Variants in TMEM131 observed in about 807,000 individuals in gnomAD.
TMEM131 encodes the protein transmembrane protein 131.
Under a neutral mutation model 211.6 loss-of-function variants are expected in TMEM131, and 66 were observed. The observed-to-expected ratio is 0.31, with a 90% CI of 0.26 to 0.38. The LOEUF is 0.38. TMEM131 is among the 10% of genes least tolerant of loss of function. TMEM131 has a pLI of 1.00. For synonymous variants in TMEM131, 844 were observed against 841.3 expected, an observed-to-expected ratio of 1.00 and a Z score of -0.06; for missense variants, 2,036 against 2,299.3, an observed-to-expected ratio of 0.89 and a Z score of 2.34.
intron 4 of TMEM131, among the ~76,000 whole-genome samples, chr2:97,870,999 G>C (rs1456836123): frequency 2.0e-5 from 3 of 152,160 alleles, no homozygotes; most frequent in Admixed American, 1.3e-4. Flanking sequence ...AGAGAAAAAT[G>C]CCTTTCATAA....
chr2:97,879,454 T>A (rs923560253), intron 4 of TMEM131, among the ~76,000 whole-genome samples: 1 of 152,216 alleles, frequency 6.6e-6, no homozygotes, highest in Non-Finnish European at 1.5e-5. Flanking sequence ...AACTACAGCC[T>A]TGACCAAAAC....
intron 25 of TMEM131, among the ~76,000 whole-genome samples, chr2:97,799,842 T>C (rs1421785744): frequency 6.6e-6 from 1 of 152,182 alleles, no homozygotes; most frequent in East Asian, 1.9e-4. Flanking sequence ...TAGATTTTCA[T>C]TACATACTTC....
chr2:97,929,886 A>G (rs1428775667), intron 1 of TMEM131, among the ~76,000 whole-genome samples: 1 of 151,806 alleles, frequency 6.6e-6, no homozygotes, highest in African/African-American at 2.4e-5. Flanking sequence ...GAATTTCAAT[A>G]TCAAGATCAG....
chr2:97,956,999 A>G (rs1019885734), intron 1 of TMEM131, among the ~76,000 whole-genome samples: 7 of 151,892 alleles, frequency 4.6e-5, no homozygotes, highest in Non-Finnish European at 1.0e-4. Flanking sequence ...CAGGAGGCAG[A>G]GGCAGGAGAA....
chr2:97,885,984 T>A (rs543887536), intron 4 of TMEM131, among the ~76,000 whole-genome samples: 1 of 152,282 alleles, frequency 6.6e-6, no homozygotes, highest in Non-Finnish European at 1.5e-5. Flanking sequence ...TTTGTCTGCC[T>A]GTGTCATTTC....
chr2:97,857,918 TA>T (rs1440180945), intron 5 of TMEM131, among the ~76,000 whole-genome samples: 1 of 152,172 alleles, frequency 6.6e-6, no homozygotes, highest in East Asian at 1.9e-4. Context: ...TAACAAAGAA[TA>T]ACTCAAGGGA....
At chr2:97,918,701 G>C (rs1238280998) in intron 2 of TMEM131, among the ~76,000 whole-genome samples, 1 of 152,060 alleles carries the variant, frequency 6.6e-6, no homozygotes, top group African/African-American at 2.4e-5. Flanking sequence ...ACCTTGTCTC[G>C]ATCCTGTTTT....
Position 97,794,999 on chromosome 2 carries a change from G to C in TMEM131, c.3317C>G (p.Thr1106Ser). 6.2e-7 allele frequency: 1 copy of C among 1,613,418 alleles called. No individual in the cohort carries two copies. Residue 1106 changes from threonine (T) to serine (S), a missense_variant, in exon 29 of 41, where the codon ACC (threonine) becomes AGC (serine). This residue lies in a region of TMEM131 where 1,623 missense variants were observed against 1,805.9 expected (regional missense o/e 0.90). Coordinates refer to ENST00000186436, the MANE Select transcript of TMEM131 (RefSeq NM_015348.2). ...NASLPYHMLATCAEALPRPNW... is the reference protein window; with the variant it reads ...NASLPYHMLASCAEALPRPNW... ...AGGTCTGGGTAGGGCTTCTGCACAGGTTGCTAACATATGGTAAGGAAGGGA... is the reference window on the plus strand; with the variant it reads ...AGGTCTGGGTAGGGCTTCTGCACAGCTTGCTAACATATGGTAAGGAAGGGA...
At chr2:97,842,061 T>C in intron 6 of TMEM131, 124 bp from the exon 7 acceptor site, 2 of 984,148 alleles carry the variant, frequency 2.0e-6, no homozygotes, top group South Asian at 3.6e-5. Context: ...ACAATCCCTT[T>C]ATTTAAAAAA....
At chr2:97,762,287 C>T in intron 35 of TMEM131, 87 bp from the exon 36 acceptor site, 1 of 1,343,494 alleles carries the variant, frequency 7.4e-7, no homozygotes, top group East Asian at 2.3e-5. Context: ...TAAGACTATG[C>T]ATAACTCAAG....
At chr2:97,933,470 G>A (rs1677315555) in intron 1 of TMEM131, among the ~76,000 whole-genome samples, 1 of 152,148 alleles carries the variant, frequency 6.6e-6, no homozygotes, top group Non-Finnish European at 1.5e-5. Flanking sequence ...CAACAGGGTA[G>A]GGGGAAGTGA....
intron 12 of TMEM131, 115 bp from the exon 13 acceptor site, chr2:97,815,422 C>A: frequency 3.6e-6 from 2 of 559,324 alleles, no homozygotes; most frequent in South Asian, 2.7e-5. Flanking sequence ...TCCAAATTGG[C>A]CAACAGAACA....
intron 1 of TMEM131, among the ~76,000 whole-genome samples, chr2:97,987,408 C>A (rs1261261531): frequency 6.6e-6 from 1 of 152,058 alleles, no homozygotes; most frequent in East Asian, 1.9e-4. Context: ...GAGGCTGAGG[C>A]AGGAGAATCG....
chr2:97,809,589 T>C (rs1681457761), intron 19 of TMEM131, 99 bp downstream of exon 19: 2 of 800,552 alleles, frequency 2.5e-6, no homozygotes, highest in Non-Finnish European at 2.1e-6. Flanking sequence ...AAATGACTAA[T>C]AAAGAATAAC....
chr2:97,970,568 G>A (rs972948228), intron 1 of TMEM131, among the ~76,000 whole-genome samples: 2 of 152,146 alleles, frequency 1.3e-5, no homozygotes, highest in African/African-American at 2.4e-5. Flanking sequence ...AAACCAATAC[G>A]TGAAGAAAAG....
intron 3 of TMEM131, among the ~76,000 whole-genome samples, chr2:97,898,164 C>T (rs934026661): frequency 1.3e-5 from 2 of 151,634 alleles, no homozygotes; most frequent in Non-Finnish European, 2.9e-5. Context: ...TAATTGATTT[C>T]TAGTATATCC....
At chr2:97,776,306 G>A (rs1039628593) in intron 31 of TMEM131, among the ~76,000 whole-genome samples, 2 of 151,894 alleles carry the variant, frequency 1.3e-5, no homozygotes, top group East Asian at 1.9e-4. Context: ...TGCCTGCCTC[G>A]GGCCTCCCAA....
At chr2:97,962,339 T>C (rs1365569014) in intron 1 of TMEM131, among the ~76,000 whole-genome samples, 1 of 152,034 alleles carries the variant, frequency 6.6e-6, no homozygotes, top group African/African-American at 2.4e-5. Context: ...CCATCTCTAC[T>C]AAAAATACAA....
intron 31 of TMEM131, among the ~76,000 whole-genome samples, chr2:97,777,074 C>T (rs768497934): frequency 4.6e-5 from 7 of 152,140 alleles, no homozygotes; most frequent in African/African-American, 9.7e-5. Context: ...GTTCTGTGTG[C>T]TGGGAACATA....
Sources: allele counts gnomAD v4.1 joint callset (sites outside exome capture counted in the v4.1 genomes callset), GRCh38; gene constraint gnomAD v4.1.1; regional missense constraint gnomAD v4.1.1; transcripts MANE v1.5; gene names NCBI Gene and HGNC (gene_info 2026-07-23, HGNC 2026-07-21).